The following PCDHA6 variants were observed in gnomAD, a reference collection of about 807,000 sequenced individuals.
PCDHA6 encodes the protein protocadherin alpha 6.
Under a neutral mutation model 60.3 loss-of-function variants are expected in PCDHA6, and 55 were observed. The ratio of observed to expected loss-of-function variants is 0.91; its 90% CI spans 0.73 to 1.14. The LOEUF (loss-of-function observed/expected upper bound fraction) is 1.14, where lower values mean the gene tolerates loss of function less well. PCDHA6 is among the 50% of genes most tolerant of loss of function. PCDHA6 has a pLI of 0.00. For missense variants in PCDHA6, 1,327 were observed against 1,256.5 expected (o/e 1.06, Z -0.85); for synonymous variants, 652 against 557.9 (o/e 1.17, Z -2.38).
intron 1 of PCDHA6, chr5:140,876,947 A>C: frequency 6.2e-7 from 1 of 1,613,496 alleles, no homozygotes; most frequent in Non-Finnish European, 8.5e-7. Flanking sequence ...CTGGTGTCCT[A>C]CTCGCTGGTG....
chr5:140,987,850 A>G lies in PCDHA6; in HGVS notation c.2542+5287A>G, dbSNP rs115051779. Among the ~76,000 whole-genome samples, 1,266 of 152,242 alleles carry G rather than the reference A, an allele frequency of 8.3e-3. 21 individuals are homozygous for G. Among genetic ancestry groups the G allele is most frequent in the African/African-American group, 0.028 (1,145 of 41,532 alleles). On this transcript the variant is annotated intron_variant, in intron 3 of 3. Coordinates refer to ENST00000529310, the MANE Select transcript of PCDHA6 (RefSeq NM_018909.4). ...GGGATTGCTTTTGCCCTGATTTGCCACATCTCTTTACTCTGTGGAAAATGG... is the reference window on the plus strand; with the variant it reads ...GGGATTGCTTTTGCCCTGATTTGCCGCATCTCTTTACTCTGTGGAAAATGG...
chr5:140,876,481 C>G, intron 1 of PCDHA6: 1 of 1,613,996 alleles, frequency 6.2e-7, no homozygotes, highest in Non-Finnish European at 8.5e-7. Context: ...CAGCATGGTC[C>G]TGGTGGAAGT....
At position 141,010,692 on chromosome 5, in the gene PCDHA6, G is replaced by A. The variant is rs1415098319; in HGVS notation, c.*755G>A. The A allele has an allele frequency of 1.9e-5, 3 of 159,998 alleles. No homozygotes were observed. The highest frequency in any genetic ancestry group is 7.2e-5 in the African/African-American group (3 of 41,584). 9.9% of individuals were successfully genotyped at this position (159,998 alleles called of 1,614,324 possible). On this transcript the variant is annotated 3_prime_UTR_variant, in exon 4 of 4. Coordinates refer to ENST00000529310, the MANE Select transcript of PCDHA6 (RefSeq NM_018909.4). ...TGGGAAACAGAAGCAGATCTGATGT[G>A]TTTCCTATACATGTCCTGTGCTCAC...
chr5:140,880,645 C>A (rs535367313), intron 1 of PCDHA6, among the ~76,000 whole-genome samples: 1 of 152,032 alleles, frequency 6.6e-6, no homozygotes, highest in Admixed American at 6.6e-5. Context: ...CACTTGAGAG[C>A]CCAACTGAGG....
chr5:140,906,816 G>A (rs574852506), intron 1 of PCDHA6, among the ~76,000 whole-genome samples: 6 of 152,360 alleles, frequency 3.9e-5, no homozygotes, highest in African/African-American at 1.4e-4. Context: ...TACCTCCACT[G>A]TGGAGTAGTA....
At chr5:140,879,740 T>C (rs1337276853) in intron 1 of PCDHA6, among the ~76,000 whole-genome samples, 5 of 152,200 alleles carry the variant, frequency 3.3e-5, no homozygotes, top group Admixed American at 1.3e-4. Flanking sequence ...ATCAAGGTGT[T>C]GTCAAGGCTA....
At chr5:140,959,331 T>C (rs1170663171) in intron 1 of PCDHA6, among the ~76,000 whole-genome samples, 1 of 152,072 alleles carries the variant, frequency 6.6e-6, no homozygotes. Flanking sequence ...GTTTTGATTA[T>C]GCTACTGCAC....
rs150829264 is a variant in PCDHA6 at position 140,948,791 on chromosome 5, A to G, written c.2395-30158A>G. 2.3e-3 allele frequency among the ~76,000 whole-genome samples: 342 copies of G among 151,342 alleles called. 1 individual carries two copies. Among genetic ancestry groups the G allele is most frequent in the Non-Finnish European group, 4.4e-3 (295 of 67,454 alleles). ...ATAGCCAGCTTTTGGCTTTGTTGAT[A>G]TATTTTCTATTGTTTGGTTTCTATT... On this transcript the variant is annotated intron_variant, in intron 1 of 3. Coordinates refer to ENST00000529310, the MANE Select transcript of PCDHA6 (RefSeq NM_018909.4).
chr5:140,875,668 G>A lies in PCDHA6; in HGVS notation c.2394+45183G>A, dbSNP rs1554167843. On this transcript the variant is annotated intron_variant, in intron 1 of 3. Transcript: ENST00000529310. ...GGAGCTGGTGCCGCGCCTGTTCCGG[G>A]TGGCGTCCAAAAGACACGGGGACCT... 4.3e-6 allele frequency: 7 copies of A among 1,613,726 alleles called. No homozygotes were observed. The highest frequency in any genetic ancestry group is 3.3e-5 in the South Asian group (3 of 91,074).
At chr5:140,868,478 A>G (rs2050491329) in intron 1 of PCDHA6, 2 of 152,364 alleles carry the variant, frequency 1.3e-5, no homozygotes, top group African/African-American at 2.4e-5. Flanking sequence ...TAAAACTTCA[A>G]TTTTTTCTTT....
chr5:140,851,337 C>G, intron 1 of PCDHA6: 5 of 979,030 alleles, frequency 5.1e-6, no homozygotes, highest in Non-Finnish European at 6.2e-6. Flanking sequence ...TAGTTCTCTA[C>G]ATTTCTCTGG....
intron 1 of PCDHA6, chr5:140,967,316 A>G (rs368129984): frequency 4.3e-6 from 7 of 1,610,310 alleles, no homozygotes; most frequent in African/African-American, 4.0e-5. Context: ...CTCAGTACAG[A>G]CCTACGAGCT....
chr5:140,989,925 T>G (rs2097366658), intron 3 of PCDHA6, among the ~76,000 whole-genome samples: 1 of 151,810 alleles, frequency 6.6e-6, no homozygotes, highest in South Asian at 2.1e-4. Context: ...AGAGCAGAGA[T>G]AGATGACATT....
At chr5:140,998,014 C>T (rs1554256135) in intron 3 of PCDHA6, among the ~76,000 whole-genome samples, 1 of 152,162 alleles carries the variant, frequency 6.6e-6, no homozygotes, top group Non-Finnish European at 1.5e-5. Context: ...TCCATCCCCA[C>T]CTCGAGCTAG....
chr5:140,927,280 C>G, intron 1 of PCDHA6: 1 of 1,614,178 alleles, frequency 6.2e-7, no homozygotes, highest in Non-Finnish European at 8.5e-7. Flanking sequence ...CGGCGACGTG[C>G]AGCTGCACAT....
At chr5:140,852,971 C>G (rs2150526229) in intron 1 of PCDHA6, 1 of 376,366 alleles carries the variant, frequency 2.7e-6, no homozygotes, top group African/African-American at 2.2e-5. Flanking sequence ...CTCCCCCTCC[C>G]GTGTTCACGC....
intron 1 of PCDHA6, among the ~76,000 whole-genome samples, chr5:140,958,077 A>C (rs2095408004): frequency 1.3e-5 from 2 of 152,124 alleles, no homozygotes; most frequent in African/African-American, 4.8e-5. Context: ...AGAAGCAAAA[A>C]GTAAAGTTGT....
At chr5:140,975,511 A>T (rs1236558069) in intron 1 of PCDHA6, among the ~76,000 whole-genome samples, 2 of 152,212 alleles carry the variant, frequency 1.3e-5, no homozygotes, top group African/African-American at 4.8e-5. Flanking sequence ...CACTATGCAA[A>T]ATCTGCAGTG....
rs1019135464 is a variant in PCDHA6, at chr5:140,897,033, A to G, written c.2394+66548A>G. On this transcript the variant is annotated intron_variant, in intron 1 of 3. Transcript: ENST00000529310. ...TATACAACTAAATTATTTAGACCAT[A>G]GTCACCCTATTCTGCTGTCAAATAC... Among the ~76,000 whole-genome samples, 4 of 152,124 alleles carry G rather than the reference A, an allele frequency of 2.6e-5. No homozygotes were observed. The East Asian group carries it at 7.7e-4, about 29-fold the overall frequency.
Sources: allele counts gnomAD v4.1 joint callset (sites outside exome capture counted in the v4.1 genomes callset), GRCh38; gene constraint gnomAD v4.1.1; transcripts MANE v1.5; gene names NCBI Gene and HGNC (gene_info 2026-07-23, HGNC 2026-07-21).